The following TAB2 variants were observed in gnomAD, a reference collection of about 807,000 sequenced individuals.
TAB2 encodes TGF-beta activated kinase 1 (MAP3K7) binding protein 2, also known as TGF-beta-activated kinase 1 and MAP3K7-binding protein 2.
A neutral mutation model predicts 65.0 loss-of-function variants in TAB2; 3 were observed. The observed-to-expected ratio is 0.05, with a 90% CI of 0.02 to 0.12. The LOEUF (loss-of-function observed/expected upper bound fraction) is 0.12. Among genes scored for constraint, TAB2 ranks in the 10% least tolerant of loss-of-function variants. The pLI is 1.00. For missense variants in TAB2, 623 were observed against 840.3 expected, an observed-to-expected ratio of 0.74 and a Z score of 3.20; for synonymous variants, 298 against 285.1, an observed-to-expected ratio of 1.05 and a Z score of -0.46.
At chr6:149,322,637 T>C (rs893630401) in intron 1 of TAB2, among the ~76,000 whole-genome samples, 14 of 152,206 alleles carry the variant, frequency 9.2e-5, no homozygotes, top group Non-Finnish European at 1.8e-4. Context: ...ACGATATCTT[T>C]CTTTTTCTGG....
upstream of TAB2, among the ~76,000 whole-genome samples, chr6:149,313,218 C>T (rs1464723417): frequency 3.3e-5 from 5 of 151,950 alleles, no homozygotes; most frequent in African/African-American, 4.8e-5. Flanking sequence ...GGCTGGAATG[C>T]AGTGGTGCAA....
intron 1 of TAB2, among the ~76,000 whole-genome samples, chr6:149,335,743 A>T (rs1023087711): frequency 3.3e-5 from 5 of 152,116 alleles, no homozygotes; most frequent in African/African-American, 1.2e-4. Context: ...ATACAATTTT[A>T]TGAAGTGTTT....
At chr6:149,400,517 A>G in intron 6 of TAB2, 1 of 1,614,252 alleles carries the variant, frequency 6.2e-7, no homozygotes, top group Non-Finnish European at 8.5e-7. Flanking sequence ...CACTTAGTAA[A>G]CTAATGAAAG....
intron 5 of TAB2, 44 bp downstream of exon 5, chr6:149,398,106 T>G: frequency 6.5e-7 from 1 of 1,531,232 alleles, no homozygotes; most frequent in Non-Finnish European, 9.0e-7. Flanking sequence ...CGTATTTAAT[T>G]CACCAGCAGT....
intron 1 of TAB2, among the ~76,000 whole-genome samples, chr6:149,294,890 G>A: frequency 6.6e-6 from 1 of 152,066 alleles, no homozygotes; most frequent in East Asian, 1.9e-4. Flanking sequence ...TATTGTAAGA[G>A]TGCCTTGAAA....
At chr6:149,273,413 G>A (rs574808337) in intron 1 of TAB2, among the ~76,000 whole-genome samples, 87 of 152,298 alleles carry the variant, frequency 5.7e-4, no homozygotes, top group Middle Eastern at 6.8e-3. Context: ...AGTGGCTCTC[G>A]TGAAAACGGG....
Position 149,378,811 on chromosome 6 carries a change from A to T in TAB2, c.896A>T (p.His299Leu). The T allele has an allele frequency of 6.2e-7, 1 of 1,614,098 alleles. No homozygotes were observed. The highest frequency in any genetic ancestry group is 1.1e-5 in the South Asian group (1 of 91,074). The change falls in exon 3 of 7, where the codon CAT becomes CTT. Residue 299 changes from histidine to leucine, a missense_variant. This residue lies in a region of TAB2 where 550 missense variants were observed against 665.7 expected (regional missense o/e 0.83). Transcript: ENST00000637181. ...ACTACTTCACAACCACCAACCATTCATTCATCTGGTAGCTCACAGTCTTCT... is the reference window on the plus strand; with the variant it reads ...ACTACTTCACAACCACCAACCATTCTTTCATCTGGTAGCTCACAGTCTTCT... Reference protein sequence around the residue: ...SPTTSQPPTIHSSGSSQSSAH... With the variant: ...SPTTSQPPTILSSGSSQSSAH...
Position 149,378,179 on chromosome 6 carries a change from C to T in TAB2, c.264C>T (p.Tyr88=), listed in dbSNP as rs756842715. 1 of 1,614,002 alleles carries T rather than the reference C, an allele frequency of 6.2e-7. No homozygotes were observed. Among genetic ancestry groups the T allele is most frequent in the Non-Finnish European group, 8.5e-7 (1 of 1,180,040 alleles). Residue 88 remains tyrosine, a synonymous_variant, in exon 3 of 7, where the codon TAC becomes TAT. Coordinates refer to ENST00000637181, the MANE Select transcript of TAB2 (RefSeq NM_001292034.3). ...LNLDLQSQNI[Y]HHGREGSRMN... is the part of the protein sequence containing the mutation. The stretch of plus-strand genomic sequence containing the variant: ...TGGACTTGCAATCACAGAACATTTA[C>T]CACCATGGAAGAGAAGGAAGTAGGA...
At position 149,402,668 on chromosome 6, in the gene TAB2, A is replaced by G. The variant is rs1010980188; in HGVS notation, c.1939+3484A>G. Among the ~76,000 whole-genome samples the G allele has an allele frequency of 5.9e-5, 9 of 152,336 alleles. 1 individual carries two copies. The highest frequency in any genetic ancestry group is 3.9e-4 in the Admixed American group (6 of 15,306). On this transcript the variant is annotated intron_variant, in intron 6 of 6. Coordinates refer to ENST00000637181, the MANE Select transcript of TAB2 (RefSeq NM_001292034.3). The stretch of plus-strand genomic sequence containing the variant: ...CCTGGTACCAAAACCAGACAAAGAC[A>G]CTACAACTAAAGAAAACTACAGACC...
rs1782814569 is a variant in TAB2, at chr6:149,410,489, G to A, written c.*770G>A. ...CCTTTTAGTAATTAAGCACGATCAT[G>A]TCCCTTTTTAAGCCTTACCTGAGAG... On this transcript the variant is annotated 3_prime_UTR_variant, in exon 7 of 7. Transcript: ENST00000637181. 2 of 152,480 alleles carry A rather than the reference G, an allele frequency of 1.3e-5. No homozygotes were observed. The highest frequency in any genetic ancestry group is 4.2e-4 in the South Asian group (2 of 4,812). The allele number at this position is 152,480 out of a possible 1,614,324, so 9.4% of individuals were successfully genotyped here. A position where few individuals can be genotyped will look rare whatever the true frequency, so the allele number is the denominator to read the frequency against.
intron 1 of TAB2, among the ~76,000 whole-genome samples, chr6:149,355,495 C>T (rs866073739): frequency 7.2e-5 from 11 of 151,792 alleles, no homozygotes; most frequent in Non-Finnish European, 1.6e-4. Flanking sequence ...GAGAAACCCC[C>T]GTCTCTACTA....
chr6:149,289,097 G>A (rs1778728400), intron 1 of TAB2, among the ~76,000 whole-genome samples: 1 of 151,968 alleles, frequency 6.6e-6, no homozygotes, highest in Non-Finnish European at 1.5e-5. Context: ...GGCCTCAAGT[G>A]ATCCACCCGC....
intron 1 of TAB2, among the ~76,000 whole-genome samples, chr6:149,249,484 CTCTCTGTCTCTTTCTCTCTA>C (rs886898807): frequency 1.3e-5 from 2 of 151,850 alleles, no homozygotes; most frequent in Non-Finnish European, 2.9e-5. Flanking sequence ...CTCTCTGTCT[CTCTCTGTCTCTTTCTCTCTA>C]TCTCTGTCTC....
chr6:149,397,689 T>C lies in TAB2; in HGVS notation c.1689T>C (p.Ser563=), dbSNP rs1397018088. ...AGAAAAAGCTGGATAAATTAAAATC[T>C]GAGGTTAATGAAATGGAAAATAATC... The part of the protein sequence containing the change: ...IQKKKLDKLK[S]EVNEMENNLT... The change falls in exon 4 of 7, where the codon TCT becomes TCC. Residue 563 remains serine, a synonymous_variant. Transcript: ENST00000637181. 3.7e-6 allele frequency: 6 copies of C among 1,614,120 alleles called. No individual in the cohort carries two copies. The highest frequency in any genetic ancestry group is 5.1e-6 in the Non-Finnish European group (6 of 1,179,996).
intron 6 of TAB2, among the ~76,000 whole-genome samples, chr6:149,405,830 G>A (rs11155649): frequency 0.23 from 35,343 of 151,952 alleles, 4,306 homozygotes; most frequent in Non-Finnish European, 0.26. Context: ...GTGTACAACA[G>A]TGTGACTGTA....
intron 1 of TAB2, among the ~76,000 whole-genome samples, chr6:149,330,741 C>T (rs1779757820): frequency 6.6e-6 from 1 of 152,134 alleles, no homozygotes; most frequent in Non-Finnish European, 1.5e-5. Flanking sequence ...TCTTTATAGT[C>T]TCTTAACAGG....
chr6:149,400,168 T>A, intron 6 of TAB2: 1 of 571,184 alleles, frequency 1.8e-6, no homozygotes, highest in Non-Finnish European at 3.1e-6. Flanking sequence ...AGGAGTTGTA[T>A]GAATGGATTT....
At chr6:149,328,483 A>G (rs1396353791) in intron 1 of TAB2, among the ~76,000 whole-genome samples, 1 of 152,170 alleles carries the variant, frequency 6.6e-6, no homozygotes, top group Non-Finnish European at 1.5e-5. Context: ...TAGTAGAGAC[A>G]GGGTTTCACC....
intron 1 of TAB2, among the ~76,000 whole-genome samples, chr6:149,232,393 A>G (rs1346343752): frequency 6.6e-6 from 1 of 152,072 alleles, no homozygotes; most frequent in Non-Finnish European, 1.5e-5. Context: ...ACGCCCAGCT[A>G]ATTTTTGTAT....
Sources: allele counts gnomAD v4.1 joint callset (sites outside exome capture counted in the v4.1 genomes callset), GRCh38; gene constraint gnomAD v4.1.1; regional missense constraint gnomAD v4.1.1; transcripts MANE v1.5; gene names NCBI Gene and HGNC (gene_info 2026-07-23, HGNC 2026-07-21).